Variants in MARK2 observed in about 807,000 individuals in gnomAD.
MARK2 encodes microtubule affinity regulating kinase 2.
A neutral mutation model predicts 89.8 loss-of-function variants in MARK2; 16 were observed. The ratio of observed to expected loss-of-function variants is 0.18; its 90% CI spans 0.12 to 0.27. The LOEUF is 0.27. Among genes scored for constraint, MARK2 ranks in the 10% least tolerant of loss-of-function variants. The probability of loss-of-function intolerance (pLI) is 1.00; values close to 1 mark genes in which losing one functional copy is unlikely to be tolerated. For synonymous variants in MARK2, 382 were observed against 399.5 expected, an observed-to-expected ratio of 0.96 and a Z score of 0.52; for missense variants, 621 against 1,049.9, an observed-to-expected ratio of 0.59 and a Z score of 5.65.
chr11:63,853,952 C>A (rs7939416), intron 1 of MARK2, among the ~76,000 whole-genome samples: 88,319 of 151,842 alleles, frequency 0.58, 26,697 homozygotes, highest in East Asian at 0.89. Flanking sequence ...TGCTCACTGC[C>A]ACCTCTGCCT....
chr11:63,855,594 T>G (rs2016801166), intron 1 of MARK2, among the ~76,000 whole-genome samples: 1 of 152,114 alleles, frequency 6.6e-6, no homozygotes, highest in Non-Finnish European at 1.5e-5. Context: ...TGATAAAATT[T>G]CAGGTTCCAC....
At chr11:63,859,216 A>G (rs1398328909) in intron 1 of MARK2, among the ~76,000 whole-genome samples, 1 of 152,102 alleles carries the variant, frequency 6.6e-6, no homozygotes, top group Non-Finnish European at 1.5e-5. Flanking sequence ...CACTAAGGCC[A>G]GACACTCAAT....
chr11:63,855,677 C>G (rs1045144130), intron 1 of MARK2, among the ~76,000 whole-genome samples: 3 of 152,164 alleles, frequency 2.0e-5, no homozygotes, highest in African/African-American at 7.2e-5. Context: ...TCCTCAGTAT[C>G]TGAAAGGCTG....
intron 1 of MARK2, among the ~76,000 whole-genome samples, chr11:63,891,152 C>G (rs578079429): frequency 3.4e-5 from 5 of 145,116 alleles, no homozygotes; most frequent in Non-Finnish European, 7.6e-5. Context: ...TTTTTTTTTC[C>G]TTTTTGTGAA....
rs1444852422 is a variant in MARK2 at position 63,902,392 on chromosome 11, G to A, written c.1234+62G>A. On this transcript the variant is annotated intron_variant, in intron 12 of 18. Transcript: ENST00000402010. This position sits in a 1 kb window ranked among gnomAD's most constrained non-coding sequence, Gnocchi z 4.2. ...CCTCTCCAGAGAGGTTACAGGTTCT[G>A]TGGGGACTTGGGTAACACAACTAAG... is the stretch of plus-strand genomic sequence containing the variant. 6.2e-7 allele frequency: 1 copy of A among 1,600,128 alleles called. No individual in the cohort carries two copies. Among genetic ancestry groups the A allele is most frequent in the Non-Finnish European group, 8.6e-7 (1 of 1,169,058 alleles).
intron 1 of MARK2, among the ~76,000 whole-genome samples, chr11:63,842,555 A>G (rs574948199): frequency 6.6e-6 from 1 of 152,166 alleles, no homozygotes; most frequent in Non-Finnish European, 1.5e-5. Context: ...GCAGCTCCTC[A>G]GGTCACAAGG....
intron 1 of MARK2, among the ~76,000 whole-genome samples, chr11:63,878,359 C>CTT (rs59251368): frequency 0.021 from 1,494 of 72,754 alleles, 52 homozygotes; most frequent in South Asian, 0.043. Context: ...TTGTTCAAGT[C>CTT]TTTTTTTTTT....
Position 63,854,759 on chromosome 11 carries a change from C to T in MARK2, c.54+15199C>T, listed in dbSNP as rs148345409. 5.4e-4 allele frequency among the ~76,000 whole-genome samples: 81 copies of T among 148,804 alleles called. No individual in the cohort carries two copies. The East Asian group carries it at 0.014, about 25-fold the overall frequency. ...CTGAGGCAGGAGAATTGCAGTGAGC[C>T]GAGATCGCACCATTGCACTCTAGCC... On this transcript the variant is annotated intron_variant, in intron 1 of 18. Transcript: ENST00000402010.
At chr11:63,879,743 G>A (rs946741886) in intron 1 of MARK2, among the ~76,000 whole-genome samples, 5 of 152,110 alleles carry the variant, frequency 3.3e-5, no homozygotes, top group Admixed American at 1.3e-4. Context: ...CTGAGGTGAG[G>A]GTGGCAGTGA....
chr11:63,885,766 G>A (rs546713340), intron 1 of MARK2, among the ~76,000 whole-genome samples: 4 of 151,202 alleles, frequency 2.6e-5, no homozygotes, highest in African/African-American at 4.9e-5. Flanking sequence ...CACAGGAAGC[G>A]GAGGTTGCAG....
chr11:63,908,841 G>GC (rs56263226), intron 18 of MARK2, 36 bp from the exon 19 acceptor site: 764,189 of 1,409,684 alleles, frequency 0.54, 214,692 homozygotes, highest in East Asian at 0.88. Context: ...GGGTGCCTCA[G>GC]CCCCCCCGTG....
intron 1 of MARK2, among the ~76,000 whole-genome samples, chr11:63,848,850 C>T (rs1372515886): frequency 2.6e-5 from 4 of 152,068 alleles, no homozygotes; most frequent in East Asian, 3.9e-4. Flanking sequence ...CGTGAGCCAC[C>T]GTGCCCGGCT....
chr11:63,875,407 A>G (rs1479086915), intron 1 of MARK2, among the ~76,000 whole-genome samples: 1 of 152,086 alleles, frequency 6.6e-6, no homozygotes, highest in African/African-American at 2.4e-5. Flanking sequence ...GGCGTGAGCC[A>G]CCACGCCCAG....
chr11:63,875,639 C>T (rs1453776586), intron 1 of MARK2, among the ~76,000 whole-genome samples: 4 of 152,206 alleles, frequency 2.6e-5, no homozygotes, highest in African/African-American at 9.7e-5. Flanking sequence ...CCAGGACATG[C>T]AGCTGTTTCA....
chr11:63,852,412 T>TG (rs1375322137), intron 1 of MARK2, among the ~76,000 whole-genome samples: 1 of 152,188 alleles, frequency 6.6e-6, no homozygotes, highest in African/African-American at 2.4e-5. Context: ...TTGTAAAACT[T>TG]GCTTGTAAAA....
In MARK2 at chr11:63,903,880, C is replaced by A; in HGVS notation, c.1515-106C>A. On this transcript the variant is annotated intron_variant, in intron 14 of 18. Coordinates refer to ENST00000402010, the MANE Select transcript of MARK2 (RefSeq NM_001039469.3). The surrounding 1 kb of genome is among the most constrained non-coding windows in gnomAD (Gnocchi z 5.1). ...CTGCCCAGGCCTGACTTCTACCCTG[C>A]CAGAGCTCCCCAGCTCTGGCCCTTC... is the stretch of plus-strand genomic sequence containing the variant. The A allele has an allele frequency of 1.1e-6, 1 of 923,174 alleles. No homozygotes were observed. The highest frequency in any genetic ancestry group is 1.6e-6 in the Non-Finnish European group (1 of 619,284). 57.2% of individuals were successfully genotyped at this position (923,174 alleles called of 1,614,324 possible).
intron 7 of MARK2, 102 bp downstream of exon 7, chr11:63,899,210 C>A: frequency 1.4e-6 from 1 of 732,036 alleles, no homozygotes; most frequent in Non-Finnish European, 2.4e-6. Flanking sequence ...CCTGAGTGTT[C>A]CAGGAAACTC....
intron 1 of MARK2, among the ~76,000 whole-genome samples, chr11:63,892,558 C>T (rs567198732): frequency 6.6e-6 from 1 of 152,224 alleles, no homozygotes; most frequent in South Asian, 2.1e-4. Context: ...TCTGGTCACC[C>T]TGCTGCCCTC....
intron 17 of MARK2, among the ~76,000 whole-genome samples, chr11:63,906,359 T>C (rs75598689): frequency 2.3e-3 from 350 of 152,336 alleles, no homozygotes; most frequent in African/African-American, 7.6e-3. Context: ...ATTGGCCCAC[T>C]CAGGGCAAAT....
Sources: allele counts gnomAD v4.1 joint callset (sites outside exome capture counted in the v4.1 genomes callset), GRCh38; gene constraint gnomAD v4.1.1; non-coding constraint Gnocchi (gnomAD v3.1); transcripts MANE v1.5; gene names NCBI Gene and HGNC (gene_info 2026-07-23, HGNC 2026-07-21).